PREX1: variants seen among roughly 807,000 people sequenced by gnomAD.
PREX1 encodes phosphatidylinositol-3,4,5-trisphosphate dependent Rac exchange factor 1.
Under a neutral mutation model 198.3 loss-of-function variants are expected in PREX1, and 41 were observed. The observed-to-expected ratio is 0.21, with a 90% CI of 0.16 to 0.27. PREX1 has a LOEUF of 0.27. Among genes scored for constraint, PREX1 ranks in the 10% least tolerant of loss-of-function variants. The probability of loss-of-function intolerance (pLI) is 1.00; values close to 1 mark genes in which losing one functional copy is unlikely to be tolerated. For missense variants in PREX1, 1,620 were observed against 2,200.7 expected (o/e 0.74, Z 5.28); for synonymous variants, 843 against 887.2 (o/e 0.95, Z 0.89).
chr20:48,718,405 AAAAT>A (rs1302778647), intron 5 of PREX1, among the ~76,000 whole-genome samples: 1 of 152,236 alleles, frequency 6.6e-6, no homozygotes, highest in Non-Finnish European at 1.5e-5. Flanking sequence ...AAATAAAAAT[AAAAT>A]AAATAAAGGA....
At chr20:48,793,391 T>C (rs559218769) in intron 1 of PREX1, among the ~76,000 whole-genome samples, 234 of 152,076 alleles carry the variant, frequency 1.5e-3, no homozygotes, top group African/African-American at 5.4e-3. Context: ...GCCACTGGAG[T>C]GGACACTTTG....
intron 1 of PREX1, among the ~76,000 whole-genome samples, chr20:48,774,890 G>T (rs1387459845): frequency 6.6e-6 from 1 of 152,266 alleles, no homozygotes; most frequent in African/African-American, 2.4e-5. Context: ...GCCTGCCATG[G>T]GGCAAGGTGT....
At chr20:48,704,492 G>A (rs1832591756) in intron 6 of PREX1, among the ~76,000 whole-genome samples, 1 of 152,052 alleles carries the variant, frequency 6.6e-6, no homozygotes, top group Admixed American at 6.5e-5. Flanking sequence ...CAGAGCCAGA[G>A]CCAGAGCCAG....
At chr20:48,780,897 A>C (rs780000081) in intron 1 of PREX1, among the ~76,000 whole-genome samples, 3 of 152,234 alleles carry the variant, frequency 2.0e-5, no homozygotes, top group Non-Finnish European at 4.4e-5. Context: ...TCACCATCTT[A>C]ATTAAGTGTT....
At chr20:48,866,585 G>C in the PREX1 span, among the ~76,000 whole-genome samples, 1 of 152,210 alleles carries the variant, frequency 6.6e-6, no homozygotes, top group East Asian at 1.9e-4. Context: ...GGGATGGGTT[G>C]CCCCTCCCAT....
intron 3 of PREX1, among the ~76,000 whole-genome samples, chr20:48,741,940 C>T (rs1288049257): frequency 1.3e-5 from 2 of 152,094 alleles, no homozygotes; most frequent in South Asian, 2.1e-4. Flanking sequence ...CAGGGCCTGG[C>T]GGGCTGTGGG....
chr20:48,777,873 T>A (rs1368433985), intron 1 of PREX1, among the ~76,000 whole-genome samples: 1 of 152,194 alleles, frequency 6.6e-6, no homozygotes, highest in Non-Finnish European at 1.5e-5. Context: ...AGCATCATTA[T>A]CGGGATTATC....
At chr20:48,754,344 G>C (rs1352893863) in intron 1 of PREX1, among the ~76,000 whole-genome samples, 3 of 152,110 alleles carry the variant, frequency 2.0e-5, no homozygotes, top group Non-Finnish European at 4.4e-5. Flanking sequence ...GAAGGAGCTG[G>C]GCCTTAAACC....
Position 48,708,279 on chromosome 20 carries a change from G to A in PREX1, c.764C>T (p.Ser255Phe). The A allele has an allele frequency of 6.2e-7, 1 of 1,613,998 alleles. No homozygotes were observed. Among genetic ancestry groups the A allele is most frequent in the Non-Finnish European group, 8.5e-7 (1 of 1,180,022 alleles). Reference protein sequence around the residue: ...EKLEALEQLQSHIEGWEGSNL... With the variant: ...EKLEALEQLQFHIEGWEGSNL... ...ACACACCTCCCAGCCTTCGATGTGG[G>A]ACTGCAGCTGCTCCAGGGCTTCCAG... The change falls in exon 6 of 40, where the codon TCC becomes TTC. Residue 255 changes from serine to phenylalanine, a missense_variant. Ser to Phe is a radical substitution (Grantham distance 155). Transcript: ENST00000371941.
chr20:48,629,349 T>C lies in PREX1; in HGVS notation c.4766+100A>G, dbSNP rs1405517062. ...TCTACAGGCAATGGCAGAACCAGGA[T>C]TGGAACCCAGCCTTCCTGCCTCCTT... On this transcript the variant is annotated intron_variant, in intron 37 of 39. Coordinates refer to ENST00000371941, the MANE Select transcript of PREX1 (RefSeq NM_020820.4). 7.5e-6 allele frequency: 11 copies of C among 1,458,486 alleles called. No individual in the cohort carries two copies. The South Asian group carries it at 8.9e-5, about 12-fold the overall frequency. The allele number at this position is 1,458,486 out of a possible 1,614,324, so 90.3% of individuals were successfully genotyped here. A position where few individuals can be genotyped will look rare whatever the true frequency, so the allele number is the denominator to read the frequency against.
chr20:48,797,597 T>C (rs1417632590), intron 1 of PREX1, among the ~76,000 whole-genome samples: 3 of 152,068 alleles, frequency 2.0e-5, no homozygotes, highest in African/African-American at 4.8e-5. Context: ...GTGCCCGCTC[T>C]TTCTCAATGA....
intron 1 of PREX1, among the ~76,000 whole-genome samples, chr20:48,796,903 T>G (rs1212878040): frequency 6.6e-6 from 1 of 151,882 alleles, no homozygotes; most frequent in Admixed American, 6.6e-5. Flanking sequence ...CAGGCAAAAC[T>G]AATCTTCGCA....
At chr20:48,657,321 C>T in intron 17 of PREX1, 133 bp from the exon 18 acceptor site, 5 of 1,124,090 alleles carry the variant, frequency 4.4e-6, no homozygotes, top group East Asian at 2.6e-5. Flanking sequence ...TGACTGCGTG[C>T]TGTCTGTGGT....
chr20:48,690,332 G>A (rs1028469201), intron 9 of PREX1, among the ~76,000 whole-genome samples: 1 of 152,152 alleles, frequency 6.6e-6, no homozygotes, highest in African/African-American at 2.4e-5. Context: ...CTCTACAGCA[G>A]GAACTTGGAT....
intron 3 of PREX1, among the ~76,000 whole-genome samples, chr20:48,740,256 T>C (rs1601106763): frequency 6.6e-6 from 1 of 152,320 alleles, no homozygotes; most frequent in East Asian, 1.9e-4. Context: ...CCTTTGGGGC[T>C]GCAGTGGATG....
rs1322008904 is a variant in PREX1 at position 48,659,915 on chromosome 20, C to T, written c.1881+4G>A. The stretch of plus-strand genomic sequence containing the variant: ...AAGGGACAGCTGCTCAGCTGTGCTC[C>T]TACCAGCAGGCGCTTGGCCAGAATG... On this transcript the variant is annotated splice_donor_region_variant and intron_variant, in intron 16 of 39. Coordinates refer to ENST00000371941, the MANE Select transcript of PREX1 (RefSeq NM_020820.4). The T allele has an allele frequency of 6.2e-7, 1 of 1,614,118 alleles. No individual in the cohort carries two copies. The highest frequency in any genetic ancestry group is 1.1e-5 in the South Asian group (1 of 91,082).
intron 1 of PREX1, among the ~76,000 whole-genome samples, chr20:48,758,473 G>C (rs560374616): frequency 5.3e-5 from 8 of 152,286 alleles, no homozygotes; most frequent in Admixed American, 2.6e-4. Context: ...CCCGAGCTTG[G>C]GGGGGTGAAA....
chr20:48,827,806 G>GGGCGTAGTCCCC lies in PREX1; in HGVS notation c.54_55insGGGGACTACGCC (p.Ala18_His19insGlyAspTyrAla), dbSNP rs1555800917. 9.5e-7 allele frequency: 1 copy of GGGCGTAGTCCCC among 1,056,366 alleles called. No homozygotes were observed. Among genetic ancestry groups the GGGCGTAGTCCCC allele is most frequent in the Non-Finnish European group, 1.1e-6 (1 of 871,986 alleles). 65.4% of individuals were successfully genotyped at this position (1,056,366 alleles called of 1,614,324 possible). A position where few individuals can be genotyped will look rare whatever the true frequency, so the allele number is the denominator to read the frequency against. On this transcript the variant is annotated inframe_insertion, in exon 1 of 40. Coordinates refer to ENST00000371941, the MANE Select transcript of PREX1 (RefSeq NM_020820.4). This position sits in a 1 kb window ranked among gnomAD's most constrained non-coding sequence, Gnocchi z 4.1. Reference sequence around the variant, plus strand: ...GCGCCAGGGGCCCGGGGGTCCGGGTGGGCGCAGTCCCCGGCCCCGTCGCCG... The same window carrying GGGCGTAGTCCCC: ...GCGCCAGGGGCCCGGGGGTCCGGGTGGGCGTAGTCCCCGGCGCAGTCCCCGGCCCCGTCGCCG...
intron 1 of PREX1, among the ~76,000 whole-genome samples, chr20:48,811,186 T>TTTA (rs1555799787): frequency 2.6e-5 from 4 of 151,894 alleles, no homozygotes; most frequent in African/African-American, 9.7e-5. Context: ...CAATTTTTTT[T>TTTA]TTATTATTAT....
Sources: gnomAD v4.1 joint callset for allele counts (sites outside exome capture counted in the v4.1 genomes callset) on GRCh38, gnomAD v4.1.1 for gene constraint, Gnocchi (gnomAD v3.1) non-coding constraint, MANE v1.5 for transcripts, NCBI Gene and HGNC (gene_info 2026-07-23, HGNC 2026-07-21) for gene names.